Variants in FGF2 observed in about 807,000 individuals in gnomAD.
FGF2 encodes fibroblast growth factor 2.
Under a neutral mutation model 15.9 loss-of-function variants are expected in FGF2, and 13 were observed. The ratio of observed to expected loss-of-function variants is 0.82; its 90% CI spans 0.53 to 1.30. FGF2 has a LOEUF of 1.30. FGF2 is among the 50% of genes most tolerant of loss of function. The pLI, the probability that FGF2 is intolerant of heterozygous loss-of-function variation, is 0.00. For missense variants in FGF2, 163 were observed against 196.9 expected (o/e 0.83, Z 1.03); for synonymous variants, 90 against 78.4 (o/e 1.15, Z -0.78).
At chr4:122,877,067 C>T (rs1420395516) in intron 2 of FGF2, among the ~76,000 whole-genome samples, 1 of 152,032 alleles carries the variant, frequency 6.6e-6, no homozygotes, top group Non-Finnish European at 1.5e-5. Flanking sequence ...ACTTCTTCCT[C>T]ACATTACTTC....
Position 122,826,977 on chromosome 4 carries a change from C to G in FGF2, c.-198C>G, listed in dbSNP as rs1048407271. 14 of 1,309,714 alleles carry G rather than the reference C, an allele frequency of 1.1e-5. No individual in the cohort carries two copies. The Admixed American group carries it at 3.1e-4, about 29-fold the overall frequency. 81.1% of individuals were successfully genotyped at this position (1,309,714 alleles called of 1,614,324 possible). On this transcript the variant is annotated 5_prime_UTR_variant, in exon 1 of 3. Coordinates refer to ENST00000644866, the MANE Select transcript of FGF2 (RefSeq NM_001361665.2). The stretch of plus-strand genomic sequence containing the variant: ...CGCCGGCTCGCCGCGCACCAGGGGC[C>G]GGCGGACAGAAGAGCGGCCGAGCGG...
intron 1 of FGF2, among the ~76,000 whole-genome samples, chr4:122,844,308 C>G (rs1726055791): frequency 6.6e-6 from 1 of 152,156 alleles, no homozygotes; most frequent in South Asian, 2.1e-4. Context: ...GTCACATCTT[C>G]ACGCTTCACT....
intron 2 of FGF2, chr4:122,888,695 G>A (rs1199765148): frequency 1.3e-5 from 2 of 152,146 alleles, no homozygotes; most frequent in African/African-American, 4.8e-5. Context: ...TCTCCTTCAA[G>A]CATTTGCTCA....
chr4:122,880,618 G>C (rs1020496958), intron 2 of FGF2, among the ~76,000 whole-genome samples: 1 of 152,164 alleles, frequency 6.6e-6, no homozygotes, highest in Non-Finnish European at 1.5e-5. Flanking sequence ...TCATGCTGAT[G>C]CAAGAGCTGG....
rs1477403056 is a variant in FGF2 at position 122,896,659 on chromosome 4, A to G, written c.*4263A>G. On this transcript the variant is annotated 3_prime_UTR_variant, in exon 3 of 3. Coordinates refer to ENST00000644866, the MANE Select transcript of FGF2 (RefSeq NM_001361665.2). ...TGAAACCAAGATTGGCTAGAGATAT[A>G]TCTTAATGCAATCCATTTTCTGATG... 1 of 152,224 alleles carries G rather than the reference A, an allele frequency of 6.6e-6. No individual in the cohort carries two copies. Among genetic ancestry groups the G allele is most frequent in the African/African-American group, 2.4e-5 (1 of 41,454 alleles). The allele number at this position is 152,224 out of a possible 1,614,324, so 9.4% of individuals were successfully genotyped here.
chr4:122,871,699 G>A (rs1578472439), intron 1 of FGF2, among the ~76,000 whole-genome samples: 1 of 148,588 alleles, frequency 6.7e-6, no homozygotes, highest in South Asian at 2.1e-4. Flanking sequence ...AGGTGCAGGA[G>A]CAAATCAGAT....
At chr4:122,835,338 GTT>G (rs35967448) in intron 1 of FGF2, among the ~76,000 whole-genome samples, 1 of 145,270 alleles carries the variant, frequency 6.9e-6, no homozygotes, top group South Asian at 2.2e-4. Context: ...ACTTTCTTCT[GTT>G]TTTTTTTTGC....
chr4:122,868,323 A>G (rs545647099), intron 1 of FGF2, among the ~76,000 whole-genome samples: 5 of 151,978 alleles, frequency 3.3e-5, no homozygotes, highest in African/African-American at 1.2e-4. Flanking sequence ...CTCTGTGTCC[A>G]TGTGTTCTTA....
At chr4:122,847,638 TATCTGTCTATCTA>T (rs1218923207) in intron 1 of FGF2, among the ~76,000 whole-genome samples, 7 of 131,586 alleles carry the variant, frequency 5.3e-5, no homozygotes, top group African/African-American at 2.9e-4. Context: ...TCTATCTATC[TATCTGTCTATCTA>T]ATCTATCTAT....
In FGF2 at chr4:122,897,989, A is replaced by G; in HGVS notation, c.*5593A>G. On this transcript the variant is annotated 3_prime_UTR_variant, in exon 3 of 3. Transcript: ENST00000644866. ...ATCTACTGAATTTCTGTAATTTAAA[A>G]TATTTTGCTGCTAGTTAACTATGAA... 1 of 263,604 alleles carries G rather than the reference A, an allele frequency of 3.8e-6. No individual in the cohort carries two copies. The highest frequency in any genetic ancestry group is 7.2e-6 in the Non-Finnish European group (1 of 139,618). 16.3% of individuals were successfully genotyped at this position (263,604 alleles called of 1,614,324 possible).
chr4:122,855,072 C>T (rs1726313000), intron 1 of FGF2, among the ~76,000 whole-genome samples: 1 of 152,086 alleles, frequency 6.6e-6, no homozygotes, highest in Admixed American at 6.6e-5. Context: ...ACTCTTTAAT[C>T]CAGAAAGAGG....
At chr4:122,885,607 T>C (rs1182183126) in intron 2 of FGF2, among the ~76,000 whole-genome samples, 1 of 152,194 alleles carries the variant, frequency 6.6e-6, no homozygotes, top group Admixed American at 6.5e-5. Flanking sequence ...AGAGTATCTA[T>C]ATACTCCACA....
intron 2 of FGF2, among the ~76,000 whole-genome samples, chr4:122,886,561 T>C (rs1378202276): frequency 1.3e-5 from 2 of 152,220 alleles, no homozygotes; most frequent in African/African-American, 4.8e-5. Flanking sequence ...TTTATTTATT[T>C]ATTCAATCAT....
intron 2 of FGF2, among the ~76,000 whole-genome samples, chr4:122,887,375 A>G (rs1727080190): frequency 6.6e-6 from 1 of 152,068 alleles, no homozygotes; most frequent in Non-Finnish European, 1.5e-5. Flanking sequence ...GATATCTCCA[A>G]CCTTAATCCA....
chr4:122,852,531 T>G (rs1019041683), intron 1 of FGF2, among the ~76,000 whole-genome samples: 1 of 152,232 alleles, frequency 6.6e-6, no homozygotes, highest in African/African-American at 2.4e-5. Flanking sequence ...TATCAGGTGG[T>G]GTGGTACATT....
intron 1 of FGF2, among the ~76,000 whole-genome samples, chr4:122,834,527 G>A (rs889687684): frequency 3.9e-5 from 6 of 152,024 alleles, no homozygotes; most frequent in African/African-American, 1.2e-4. Context: ...AATTTTTCAT[G>A]CTACTCTGAC....
intron 2 of FGF2, among the ~76,000 whole-genome samples, chr4:122,886,836 GT>G (rs1320428251): frequency 2.0e-5 from 3 of 152,036 alleles, no homozygotes; most frequent in Non-Finnish European, 4.4e-5. Flanking sequence ...AAGAGCATTG[GT>G]TTCTTTTATT....
At chr4:122,839,689 T>A (rs1331605910) in intron 1 of FGF2, among the ~76,000 whole-genome samples, 1 of 152,174 alleles carries the variant, frequency 6.6e-6, no homozygotes, top group East Asian at 1.9e-4. Context: ...TCAGGCCCTG[T>A]CCATTTCATT....
chr4:122,827,422 C>A lies in FGF2; in HGVS notation c.178+70C>A. The A allele has an allele frequency of 6.6e-7, 1 of 1,523,916 alleles. No individual in the cohort carries two copies. Among genetic ancestry groups the A allele is most frequent in the Non-Finnish European group, 9.1e-7 (1 of 1,103,762 alleles). The allele number at this position is 1,523,916 out of a possible 1,614,324, so 94.4% of individuals were successfully genotyped here. On this transcript the variant is annotated intron_variant, in intron 1 of 2. Transcript: ENST00000644866. This position sits in a 1 kb window ranked among gnomAD's most constrained non-coding sequence, Gnocchi z 4.2. Reference sequence around the variant, plus strand: ...TTCTCGCCCGCTCTCTCCCCTCCAGCCTGCACCCTCCTCCCGGATCTTCAC... The same window carrying A: ...TTCTCGCCCGCTCTCTCCCCTCCAGACTGCACCCTCCTCCCGGATCTTCAC...
Sources: allele counts gnomAD v4.1 joint callset (sites outside exome capture counted in the v4.1 genomes callset), GRCh38; gene constraint gnomAD v4.1.1; non-coding constraint Gnocchi (gnomAD v3.1); transcripts MANE v1.5; gene names NCBI Gene and HGNC (gene_info 2026-07-23, HGNC 2026-07-21).